Variants in FGF13 observed in about 807,000 individuals in gnomAD.
FGF13 encodes the protein fibroblast growth factor 13.
In FGF13, 2 loss-of-function variants were observed where a neutral mutation model predicts 19.5. The ratio of observed to expected loss-of-function variants is 0.10; its 90% CI spans 0.04 to 0.32. FGF13 has a LOEUF of 0.32. FGF13 is among the 10% of genes least tolerant of loss of function. FGF13 has a pLI of 1.00. For synonymous variants in FGF13, 72 were observed against 76.9 expected (o/e 0.94, Z 0.33); for missense variants, 113 against 192.7 (o/e 0.59, Z 2.45).
chrX:138,664,099 T>C (rs1188901072), intron 3 of FGF13, among the ~76,000 whole-genome samples: 1 of 111,949 alleles, frequency 8.9e-6, no homozygotes, highest in Non-Finnish European at 1.9e-5. Context: ...AATGGCTCCA[T>C]AAATGAAGTA....
At chrX:138,942,071 T>C (rs1466958408) in intron 1 of FGF13, among the ~76,000 whole-genome samples, 1 of 112,280 alleles carries the variant, frequency 8.9e-6, no homozygotes, top group Non-Finnish European at 1.9e-5. Context: ...CGTGCTCATC[T>C]ATCTTTTATT....
At chrX:138,704,130 GTTTAT>G (rs938313502) in intron 2 of FGF13, among the ~76,000 whole-genome samples, 17 of 112,116 alleles carry the variant, frequency 1.5e-4, no homozygotes, top group African/African-American at 5.5e-4. Flanking sequence ...CTTGAAAGAG[GTTTAT>G]TTTATTATTT....
At chrX:138,849,415 A>G (rs1385595047) in intron 3 of FGF13, among the ~76,000 whole-genome samples, 6 of 112,391 alleles carry the variant, frequency 5.3e-5, no homozygotes, top group Non-Finnish European at 1.1e-4. Flanking sequence ...ATAACTATGT[A>G]AGAATCTGTG....
In FGF13 at chrX:138,897,196, G is replaced by A. The variant is rs2010498; in HGVS notation, c.-112-32546C>T. ...AGCTAATTTTTGTATTTTTTGTAGA[G>A]ATGGGGTTTCGCCATGTTGCCCAGG... On this transcript the variant is annotated intron_variant, in intron 1 of 2. Coordinates refer to the FGF13 transcript ENST00000421460. Among the ~76,000 whole-genome samples, 1,058 of 111,691 alleles carry A rather than the reference G, an allele frequency of 9.5e-3. 10 individuals are homozygous for A. Among genetic ancestry groups the A allele is most frequent in the Non-Finnish European group, 0.016 (873 of 53,112 alleles).
chrX:138,819,269 C>T (rs1353385442), intron 3 of FGF13, among the ~76,000 whole-genome samples: 9 of 110,563 alleles, frequency 8.1e-5, no homozygotes, highest in African/African-American at 3.0e-4. Flanking sequence ...GACAAGATAT[C>T]AATTATATAA....
At chrX:138,681,443 C>CTT (rs2089728166) in intron 3 of FGF13, among the ~76,000 whole-genome samples, 1 of 112,728 alleles carries the variant, frequency 8.9e-6, no homozygotes, top group African/African-American at 3.2e-5. Flanking sequence ...TAGCCTTTGG[C>CTT]TTAAGGGAAT....
At chrX:138,666,849 C>T (rs1422096985) in intron 3 of FGF13, among the ~76,000 whole-genome samples, 3 of 110,301 alleles carry the variant, frequency 2.7e-5, no homozygotes, top group Admixed American at 9.8e-5. Flanking sequence ...AGGTTGTACA[C>T]ATTTAGGTGT....
intron 1 of FGF13, among the ~76,000 whole-genome samples, chrX:139,086,986 A>C (rs1244524047): frequency 8.9e-6 from 1 of 112,747 alleles, no homozygotes; most frequent in African/African-American, 3.2e-5. Context: ...AAAACAGCTC[A>C]GCCAGTTCAT....
chrX:138,825,950 C>T (rs772156969), intron 3 of FGF13, among the ~76,000 whole-genome samples: 2 of 111,075 alleles, frequency 1.8e-5, no homozygotes, highest in East Asian at 5.7e-4. Flanking sequence ...TTTCTAACTC[C>T]TTAGGCAATA....
At chrX:138,809,213 C>T (rs5931493) in intron 3 of FGF13, among the ~76,000 whole-genome samples, 28,079 of 110,749 alleles carry the variant, frequency 0.25, 3,223 homozygotes, top group South Asian at 0.34. Context: ...ACTGGCAAAC[C>T]GAATCCAGCA....
At chrX:138,739,041 T>C (rs1358107669) in intron 1 of FGF13, among the ~76,000 whole-genome samples, 3 of 109,203 alleles carry the variant, frequency 2.7e-5, no homozygotes, top group African/African-American at 6.6e-5. Context: ...AAAAAAATGA[T>C]GCATTTTTCC....
At chrX:138,911,472 G>C (rs892221515) in intron 1 of FGF13, among the ~76,000 whole-genome samples, 3 of 109,875 alleles carry the variant, frequency 2.7e-5, no homozygotes, top group African/African-American at 1.0e-4. Flanking sequence ...GAGAGTGGTG[G>C]GGGGAGGCAG....
At chrX:139,094,268 G>T (rs1178695514) in intron 1 of FGF13, among the ~76,000 whole-genome samples, 1 of 112,091 alleles carries the variant, frequency 8.9e-6, no homozygotes, top group Non-Finnish European at 1.9e-5. Flanking sequence ...GGTGCTGCAT[G>T]AAGAACTATC....
chrX:138,939,335 G>A (rs1311551742), intron 1 of FGF13, among the ~76,000 whole-genome samples: 2 of 112,042 alleles, frequency 1.8e-5, no homozygotes, highest in African/African-American at 6.5e-5. Flanking sequence ...CTAAAACTAA[G>A]ACAACACAAA....
At chrX:138,745,428 T>A (rs1438969916) in intron 3 of FGF13, among the ~76,000 whole-genome samples, 2 of 111,889 alleles carry the variant, frequency 1.8e-5, no homozygotes, top group Non-Finnish European at 3.8e-5. Flanking sequence ...TCGTATGTGT[T>A]CATAGCACCC....
chrX:139,107,967 T>C (rs772500781), intron 1 of FGF13, among the ~76,000 whole-genome samples: 1 of 111,431 alleles, frequency 9.0e-6, no homozygotes. Flanking sequence ...TTTCTCACCT[T>C]TAAAATGAAA....
intron 1 of FGF13, among the ~76,000 whole-genome samples, chrX:138,975,657 A>C: frequency 8.9e-6 from 1 of 111,937 alleles, no homozygotes; most frequent in Non-Finnish European, 1.9e-5. Flanking sequence ...ATCCAGAGGA[A>C]AGAAAGGGCC....
chrX:138,726,223 T>C (rs1359609556), intron 1 of FGF13, among the ~76,000 whole-genome samples: 1 of 111,256 alleles, frequency 9.0e-6, no homozygotes. Context: ...AAAAAAATCA[T>C]GCAGCACAGG....
chrX:139,189,359 C>T (rs2084306658), intron 1 of FGF13, among the ~76,000 whole-genome samples: 1 of 111,757 alleles, frequency 8.9e-6, no homozygotes, highest in Non-Finnish European at 1.9e-5. Flanking sequence ...CAGCATTATT[C>T]ACAAGAGTCA....
Sources: allele counts gnomAD v4.1 joint callset (sites outside exome capture counted in the v4.1 genomes callset), GRCh38; gene constraint gnomAD v4.1.1; transcripts MANE v1.5; gene names NCBI Gene and HGNC (gene_info 2026-07-23, HGNC 2026-07-21).